The following ACVR1C variants were observed in gnomAD, a reference collection of about 807,000 sequenced individuals.
ACVR1C encodes the protein activin receptor type-1C.
Under a neutral mutation model 57.9 loss-of-function variants are expected in ACVR1C, and 23 were observed. The observed-to-expected ratio is 0.40, with a 90% CI of 0.29 to 0.56. The LOEUF (loss-of-function observed/expected upper bound fraction) is 0.56, where lower values mean the gene tolerates loss of function less well. ACVR1C is among the 20% of genes least tolerant of loss of function. The pLI, the probability that ACVR1C is intolerant of heterozygous loss-of-function variation, is 0.50. For synonymous variants in ACVR1C, 214 were observed against 215.3 expected, an observed-to-expected ratio of 0.99 and a Z score of 0.05; for missense variants, 480 against 607.9, an observed-to-expected ratio of 0.79 and a Z score of 2.21.
chr2:157,579,661 C>G (rs1688739586), intron 2 of ACVR1C, among the ~76,000 whole-genome samples: 1 of 152,142 alleles, frequency 6.6e-6, no homozygotes, highest in Non-Finnish European at 1.5e-5. Context: ...ATTCATACTG[C>G]CTCACATGCT....
In ACVR1C at chr2:157,556,327, G is replaced by A; in HGVS notation, c.310C>T (p.Pro104Ser). The change falls in exon 3 of 9, where the codon CCA (proline) becomes TCA (serine). Residue 104 changes from proline to serine, a missense_variant. Coordinates refer to ENST00000243349, the MANE Select transcript of ACVR1C (RefSeq NM_145259.3). ...ATGGGTCCAAGTTTTGGGGCATTTG[G>A]TGATGCTACAGTTTAAAGAAGAAAG... The part of the protein sequence containing the change: ...NITLHLPTAS[P>S]NAPKLGPMEL... The A allele has an allele frequency of 6.2e-7, 1 of 1,613,914 alleles. No individual in the cohort carries two copies. Among genetic ancestry groups the A allele is most frequent in the Non-Finnish European group, 8.5e-7 (1 of 1,179,874 alleles).
At chr2:157,605,202 A>T (rs1682365217) in intron 1 of ACVR1C, among the ~76,000 whole-genome samples, 1 of 151,734 alleles carries the variant, frequency 6.6e-6, no homozygotes, top group Non-Finnish European at 1.5e-5. Context: ...TGACATATAT[A>T]TATATATGGG....
In ACVR1C at chr2:157,548,988, G is replaced by T. The variant is rs183408053; in HGVS notation, c.775+1174C>A. On this transcript the variant is annotated intron_variant, in intron 4 of 8. Coordinates refer to ENST00000243349, the MANE Select transcript of ACVR1C (RefSeq NM_145259.3). ...CCTAACAAAGTTGAACATTCAGCTA[G>T]TATTAATTGGTATGTCTGTATTGGT... 4.6e-3 allele frequency among the ~76,000 whole-genome samples: 701 copies of T among 152,290 alleles called. 4 individuals are homozygous for T. The highest frequency in any genetic ancestry group is 7.9e-3 in the Non-Finnish European group (537 of 68,018).
chr2:157,570,772 GA>G (rs1164984255), intron 2 of ACVR1C, among the ~76,000 whole-genome samples: 1 of 65,682 alleles, frequency 1.5e-5, no homozygotes, highest in Non-Finnish European at 3.3e-5. Flanking sequence ...TCAATATCGT[GA>G]AAATGGCCAT....
At chr2:157,557,032 G>C (rs1688121468) in intron 2 of ACVR1C, among the ~76,000 whole-genome samples, 1 of 152,148 alleles carries the variant, frequency 6.6e-6, no homozygotes, top group Non-Finnish European at 1.5e-5. Flanking sequence ...CTCTTGCAAT[G>C]TGTTGCTGCT....
At chr2:157,560,644 T>A (rs1334775213) in intron 2 of ACVR1C, among the ~76,000 whole-genome samples, 1 of 152,200 alleles carries the variant, frequency 6.6e-6, no homozygotes, top group Non-Finnish European at 1.5e-5. Flanking sequence ...TTCTAATCTT[T>A]CATTTTTCAT....
chr2:157,564,138 T>C (rs909701885), intron 2 of ACVR1C, among the ~76,000 whole-genome samples: 1 of 152,178 alleles, frequency 6.6e-6, no homozygotes, highest in African/African-American at 2.4e-5. Flanking sequence ...AACTAAGAGC[T>C]TCTGCACAGC....
At chr2:157,592,461 A>G (rs1689069850) in intron 1 of ACVR1C, among the ~76,000 whole-genome samples, 1 of 152,124 alleles carries the variant, frequency 6.6e-6, no homozygotes, top group Admixed American at 6.6e-5. Context: ...ATCTTGCACG[A>G]TGAAAAACAC....
chr2:157,535,143 CAAAAA>C (rs11349149), intron 8 of ACVR1C, among the ~76,000 whole-genome samples: 2 of 95,990 alleles, frequency 2.1e-5, no homozygotes, highest in Non-Finnish European at 4.5e-5. Flanking sequence ...AGACTCTGTC[CAAAAA>C]AAAAAAAAAA....
intron 8 of ACVR1C, 32 bp from the exon 9 acceptor site, chr2:157,534,075 T>C (rs757576167): frequency 2.9e-5 from 43 of 1,486,612 alleles, no homozygotes; most frequent in African/African-American, 4.3e-5. Flanking sequence ...TCAAAGACTT[T>C]AGCTACTCTA....
At chr2:157,558,918 TCTC>T (rs1184647069) in intron 2 of ACVR1C, among the ~76,000 whole-genome samples, 1 of 152,258 alleles carries the variant, frequency 6.6e-6, no homozygotes, top group Non-Finnish European at 1.5e-5. Context: ...ATGCATTTAA[TCTC>T]CTGCATCTTA....
intron 1 of ACVR1C, among the ~76,000 whole-genome samples, chr2:157,618,222 A>G (rs1426301071): frequency 6.6e-6 from 1 of 151,884 alleles, no homozygotes; most frequent in African/African-American, 2.4e-5. Flanking sequence ...AAAGACAAAG[A>G]GAGGGAAATG....
chr2:157,595,243 C>T (rs1682064327), intron 1 of ACVR1C, among the ~76,000 whole-genome samples: 1 of 152,246 alleles, frequency 6.6e-6, no homozygotes, highest in African/African-American at 2.4e-5. Context: ...TGGCAGTCTT[C>T]TCCTTCCTGC....
intron 2 of ACVR1C, among the ~76,000 whole-genome samples, chr2:157,577,652 AT>A (rs202184830): frequency 0.018 from 2,773 of 152,216 alleles, 46 homozygotes; most frequent in Non-Finnish European, 0.025. Context: ...GTAGACCTTT[AT>A]TTTAGATACA....
In ACVR1C at chr2:157,532,197, A is replaced by C. The variant is rs1687366967; in HGVS notation, c.*1721T>G. 1 of 152,124 alleles carries C rather than the reference A, an allele frequency of 6.6e-6. No homozygotes were observed. The highest frequency in any genetic ancestry group is 1.5e-5 in the Non-Finnish European group (1 of 68,006). 9.4% of individuals were successfully genotyped at this position (152,124 alleles called of 1,614,324 possible). A position where few individuals can be genotyped will look rare whatever the true frequency, so the allele number is the denominator to read the frequency against. The stretch of plus-strand genomic sequence containing the variant: ...ACTAAATTGTACTCTATGAGAAAAT[A>C]CAGAAGTATATCCTTCAGAACGCTA... On this transcript the variant is annotated 3_prime_UTR_variant, in exon 9 of 9. Transcript: ENST00000243349.
Position 157,527,869 on chromosome 2 carries a change from C to T in ACVR1C, c.*6049G>A, listed in dbSNP as rs1285495471. The stretch of plus-strand genomic sequence containing the variant: ...CTTTACAGGCAAAGTCAGTAATTAG[C>T]TCCATGCATAGAATGAAAACTGTAT... On this transcript the variant is annotated 3_prime_UTR_variant, in exon 9 of 9. Transcript: ENST00000243349. The T allele has an allele frequency of 1.3e-5, 2 of 152,128 alleles. No homozygotes were observed. The highest frequency in any genetic ancestry group is 6.6e-5 in the Admixed American group (1 of 15,258). The allele number at this position is 152,128 out of a possible 1,614,324, so 9.4% of individuals were successfully genotyped here.
chr2:157,544,276 C>A (rs1320924649), intron 5 of ACVR1C, among the ~76,000 whole-genome samples, 169 bp downstream of exon 5: 4 of 148,904 alleles, frequency 2.7e-5, no homozygotes, highest in Admixed American at 1.4e-4. Context: ...AAATTCCTGG[C>A]CTCAAGTGAT....
Position 157,538,681 on chromosome 2 carries a change from C to T in ACVR1C, c.1248G>A (p.Leu416=). ...CTGAAGGCACCATGTCATAATAAGGCAATTGGTACTCCTCAACAATTCCTG... is the reference window on the plus strand; with the variant it reads ...CTGAAGGCACCATGTCATAATAAGGTAATTGGTACTCCTCAACAATTCCTG... ...SVGGIVEEYQ[L]PYYDMVPSDP... Residue 416 remains leucine, a synonymous_variant, in exon 8 of 9, where the codon TTG becomes TTA. Coordinates refer to ENST00000243349, the MANE Select transcript of ACVR1C (RefSeq NM_145259.3). 1.3e-6 allele frequency: 2 copies of T among 1,539,140 alleles called. No individual in the cohort carries two copies. Among genetic ancestry groups the T allele is most frequent in the Non-Finnish European group, 1.7e-6 (2 of 1,145,262 alleles).
intron 1 of ACVR1C, among the ~76,000 whole-genome samples, chr2:157,601,321 T>C (rs537318015): frequency 6.6e-6 from 1 of 151,456 alleles, no homozygotes; most frequent in African/African-American, 2.4e-5. Context: ...TCTCAAAAAA[T>C]AAAAATAAAA....
Sources: gnomAD v4.1 joint callset for allele counts (sites outside exome capture counted in the v4.1 genomes callset) on GRCh38, gnomAD v4.1.1 for gene constraint, MANE v1.5 for transcripts, NCBI Gene and HGNC (gene_info 2026-07-23, HGNC 2026-07-21) for gene names.